Variants in HADH observed in about 807,000 individuals in gnomAD.
HADH encodes the protein hydroxyacyl-coenzyme A dehydrogenase, mitochondrial.
HADH carries 24 observed loss-of-function variants against 32.2 expected under a neutral mutation model. That is an observed-to-expected ratio of 0.75 (90% CI 0.54 to 1.05). The LOEUF is 1.05. Among genes scored for constraint, HADH ranks in the 50% least tolerant of loss-of-function variants. The pLI, the probability that HADH is intolerant of heterozygous loss-of-function variation, is 0.00. For synonymous variants in HADH, 139 were observed against 152.5 expected, an observed-to-expected ratio of 0.91 and a Z score of 0.65; for missense variants, 350 against 397.1, an observed-to-expected ratio of 0.88 and a Z score of 1.01.
At chr4:108,032,253 C>A in intron 6 of HADH, 3 of 845,606 alleles carry the variant, frequency 3.5e-6, no homozygotes, top group Non-Finnish European at 6.0e-6. Flanking sequence ...TCCATAAAGG[C>A]CTCTTGGGGC....
intron 2 of HADH, among the ~76,000 whole-genome samples, chr4:108,010,765 A>G (rs1735460459): frequency 6.6e-6 from 1 of 151,936 alleles, no homozygotes; most frequent in African/African-American, 2.4e-5. Context: ...GAATCATACA[A>G]TATTTGTCCT....
intron 1 of HADH, 63 bp from the exon 2 acceptor site, chr4:108,009,696 T>G (rs1442428741): frequency 7.0e-7 from 1 of 1,433,498 alleles, no homozygotes; most frequent in African/African-American, 1.4e-5. Flanking sequence ...TGGGGTGGGG[T>G]GTGTGCGCGT....
chr4:108,008,392 CT>C (rs1735361513), intron 1 of HADH, among the ~76,000 whole-genome samples: 2 of 152,226 alleles, frequency 1.3e-5, no homozygotes, highest in Non-Finnish European at 2.9e-5. Flanking sequence ...CCACTGTGTG[CT>C]GCTTTCTCAG....
At chr4:107,990,743 CTTTTTTTTTTTTTT>C (rs553014808) in intron 1 of HADH, among the ~76,000 whole-genome samples, 1 of 111,846 alleles carries the variant, frequency 8.9e-6, no homozygotes, top group African/African-American at 3.7e-5. Context: ...AAGTCTCTCT[CTTTTTTTTTTTTTT>C]TTTTTTTTTG....
At chr4:108,011,747 A>G (rs191711054) in intron 2 of HADH, among the ~76,000 whole-genome samples, 1 of 152,258 alleles carries the variant, frequency 6.6e-6, no homozygotes, top group Admixed American at 6.5e-5. Context: ...TGACTGCACT[A>G]TTTTACATTC....
At chr4:107,999,784 A>G (rs763840158) in intron 1 of HADH, among the ~76,000 whole-genome samples, 2 of 152,192 alleles carry the variant, frequency 1.3e-5, no homozygotes, top group Non-Finnish European at 2.9e-5. Flanking sequence ...GGTATGAACA[A>G]CTAATTGTAA....
At chr4:108,030,200 G>T (rs531717412) in intron 6 of HADH, 3 of 152,460 alleles carry the variant, frequency 2.0e-5, no homozygotes, top group African/African-American at 7.2e-5. Context: ...GCCAACCTCT[G>T]CCCCTGCTGT....
intron 1 of HADH, chr4:108,004,947 T>C: frequency 1.3e-6 from 2 of 1,484,506 alleles, no homozygotes; most frequent in Non-Finnish European, 1.8e-6. Context: ...GTATTCAGGA[T>C]GTTATGTGGT....
chr4:108,015,880 T>G (rs1197956867), intron 3 of HADH, among the ~76,000 whole-genome samples: 1 of 152,046 alleles, frequency 6.6e-6, no homozygotes, highest in Non-Finnish European at 1.5e-5. Flanking sequence ...ACTTCTGTGC[T>G]CCACTCTCGG....
chr4:108,024,965 T>C (rs1324079077), intron 5 of HADH: 1 of 152,214 alleles, frequency 6.6e-6, no homozygotes, highest in East Asian at 1.9e-4. Flanking sequence ...AGAGGGTCTT[T>C]CTGGGTCAGT....
chr4:108,029,641 T>C (rs1736190415), intron 6 of HADH: 2 of 152,390 alleles, frequency 1.3e-5, no homozygotes, highest in Non-Finnish European at 2.9e-5. Context: ...AATGCTGCCT[T>C]GAGTGGTGCA....
intron 6 of HADH, chr4:108,032,135 TAG>T: frequency 2.2e-6 from 1 of 445,296 alleles, no homozygotes; most frequent in Non-Finnish European, 4.1e-6. Context: ...CTCTTTTCTT[TAG>T]CTTTGATCTG....
intron 1 of HADH, among the ~76,000 whole-genome samples, chr4:107,996,504 A>C (rs572784809): frequency 4.6e-5 from 7 of 152,322 alleles, no homozygotes; most frequent in African/African-American, 1.7e-4. Flanking sequence ...TAGTCTAAAA[A>C]TGGGCGCACA....
At chr4:108,032,160 A>G in intron 6 of HADH, 2 of 498,392 alleles carry the variant, frequency 4.0e-6, no homozygotes, top group South Asian at 5.2e-5. Flanking sequence ...TGACTTCTTA[A>G]TGCTTTGGAA....
At chr4:107,990,105 CCCACCCTGAG>C (rs765688267) in intron 1 of HADH, 41 bp downstream of exon 1, 19 of 1,576,680 alleles carry the variant, frequency 1.2e-5, no homozygotes, top group Non-Finnish European at 1.6e-5. Context: ...CGCTTGGCCG[CCCACCCTGAG>C]GTGGAAGCTC....
At position 108,034,300 on chromosome 4, in the gene HADH, G is replaced by A. The variant is rs777636945; in HGVS notation, c.888G>A (p.Leu296=). Residue 296 remains leucine, a synonymous_variant, in exon 8 of 8, where the codon CTG becomes CTA. Coordinates refer to ENST00000309522, the MANE Select transcript of HADH (RefSeq NM_005327.7). ...LHQPSPSLNK[L]VAENKFGKKT... The stretch of plus-strand genomic sequence containing the variant: ...AGCCCAGCCCATCCTTAAATAAGCT[G>A]GTAGCAGAGAACAAGTTCGGCAAGA... 3 of 1,613,688 alleles carry A rather than the reference G, an allele frequency of 1.9e-6. No homozygotes were observed. The highest frequency in any genetic ancestry group is 2.2e-5 in the South Asian group (2 of 91,074).
intron 1 of HADH, among the ~76,000 whole-genome samples, chr4:107,997,132 C>G (rs1376485327): frequency 3.3e-5 from 5 of 152,200 alleles, no homozygotes; most frequent in Admixed American, 3.3e-4. Flanking sequence ...AAAGGCAGGC[C>G]TTGCTGTTAA....
intron 6 of HADH, 32 bp downstream of exon 6, chr4:108,027,792 AC>A (rs1560738449): frequency 1.1e-5 from 14 of 1,279,818 alleles, no homozygotes; most frequent in Non-Finnish European, 1.6e-5. Context: ...GGAGCAGCAG[AC>A]CTCAGCTCCT....
intron 1 of HADH, among the ~76,000 whole-genome samples, chr4:107,990,707 T>C (rs1358614995): frequency 2.6e-5 from 4 of 151,772 alleles, no homozygotes; most frequent in African/African-American, 9.7e-5. Context: ...AGTTCTGAGC[T>C]TGCGATTTTG....
Sources: allele counts gnomAD v4.1 joint callset (sites outside exome capture counted in the v4.1 genomes callset), GRCh38; gene constraint gnomAD v4.1.1; transcripts MANE v1.5; gene names NCBI Gene and HGNC (gene_info 2026-07-23, HGNC 2026-07-21).